DLGAP2: variants seen among roughly 807,000 people sequenced by gnomAD.
DLGAP2 encodes disks large-associated protein 2.
In DLGAP2, 26 loss-of-function variants were observed where a neutral mutation model predicts 100.3. That is an observed-to-expected ratio of 0.26 (90% confidence interval 0.19 to 0.36). The LOEUF is 0.36. Ranked by LOEUF, DLGAP2 falls within the 10% of genes least tolerant of loss-of-function variation. DLGAP2 has a pLI of 1.00. For synonymous variants in DLGAP2, 886 were observed against 630.1 expected (o/e 1.41, Z -6.08); for missense variants, 1,858 against 1,453.2 (o/e 1.28, Z -4.53).
chr8:1,066,672 G>C (rs1276539014), intron 2 of DLGAP2, among the ~76,000 whole-genome samples: 1 of 152,224 alleles, frequency 6.6e-6, no homozygotes, highest in Non-Finnish European at 1.5e-5. Flanking sequence ...GTCTGAGTGA[G>C]GACAGTTCCC....
intron 2 of DLGAP2, among the ~76,000 whole-genome samples, chr8:1,195,510 C>T (rs1035650862): frequency 6.6e-6 from 1 of 152,216 alleles, no homozygotes; most frequent in Admixed American, 6.5e-5. Context: ...TGTTTCCCCA[C>T]TTGGAAAAAT....
chr8:815,554 G>C (rs950906444), intron 1 of DLGAP2, among the ~76,000 whole-genome samples: 5 of 152,212 alleles, frequency 3.3e-5, no homozygotes, highest in African/African-American at 1.2e-4. Context: ...ATATTCTGAT[G>C]TATCTCTGTA....
At chr8:1,030,885 G>A (rs1185870927) in intron 2 of DLGAP2, among the ~76,000 whole-genome samples, 4 of 152,224 alleles carry the variant, frequency 2.6e-5, no homozygotes. Context: ...TCAGACCGCA[G>A]CCACCAGACC....
chr8:1,010,977 T>C (rs1211776962), intron 2 of DLGAP2, among the ~76,000 whole-genome samples: 1 of 140,162 alleles, frequency 7.1e-6, no homozygotes, highest in South Asian at 2.3e-4. Flanking sequence ...TCAGTCTGCA[T>C]GGTGAGCCCC....
chr8:1,093,252 C>T (rs55940420), intron 2 of DLGAP2, among the ~76,000 whole-genome samples: 18,553 of 148,946 alleles, frequency 0.12, 1,257 homozygotes, highest in East Asian at 0.31. Context: ...CCTTCACACC[C>T]GCAGCCAGAA....
At chr8:809,910 G>A (rs1174810695) in intron 1 of DLGAP2, among the ~76,000 whole-genome samples, 3 of 152,216 alleles carry the variant, frequency 2.0e-5, no homozygotes, top group East Asian at 1.9e-4. Flanking sequence ...CAGAAGCATG[G>A]TGTGCTCTGG....
intron 4 of DLGAP2, among the ~76,000 whole-genome samples, chr8:1,534,479 A>T (rs1379740251): frequency 6.6e-6 from 1 of 152,200 alleles, no homozygotes; most frequent in African/African-American, 2.4e-5. Flanking sequence ...TGTGCTCACC[A>T]TAATGCTTAA....
chr8:1,676,201 G>A (rs575257093), intron 10 of DLGAP2, among the ~76,000 whole-genome samples: 2 of 152,314 alleles, frequency 1.3e-5, no homozygotes, highest in East Asian at 3.9e-4. Flanking sequence ...CATAGGGCGT[G>A]ATAAGAGCTT....
Position 1,677,548 on chromosome 8 carries a change from G to A in DLGAP2, c.2289-666G>A, listed in dbSNP as rs148529759. 8.5e-4 allele frequency among the ~76,000 whole-genome samples: 130 copies of A among 152,214 alleles called. 1 individual carries two copies. Among genetic ancestry groups the A allele is most frequent in the Non-Finnish European group, 1.8e-3 (120 of 68,008 alleles). ...ACACACACACACCACACAGGCACAC[G>A]ATACAGAGCATACCCACGTGCACAC... On this transcript the variant is annotated intron_variant, in intron 11 of 14. Coordinates refer to ENST00000637795, the MANE Select transcript of DLGAP2 (RefSeq NM_001346810.2).
intron 2 of DLGAP2, among the ~76,000 whole-genome samples, chr8:1,022,647 C>T (rs1162224353): frequency 6.7e-6 from 1 of 150,238 alleles, no homozygotes; most frequent in Non-Finnish European, 1.5e-5. Flanking sequence ...CACCCACCCT[C>T]CCTGGGAGTG....
chr8:1,618,387 A>G (rs527794250), intron 6 of DLGAP2, among the ~76,000 whole-genome samples: 1 of 152,226 alleles, frequency 6.6e-6, no homozygotes, highest in African/African-American at 2.4e-5. Context: ...GTGCTCTAAG[A>G]TAGACCATCT....
chr8:1,596,512 T>G (rs564264875), intron 6 of DLGAP2, among the ~76,000 whole-genome samples: 1 of 152,270 alleles, frequency 6.6e-6, no homozygotes, highest in African/African-American at 2.4e-5. Flanking sequence ...GTTCCTATTT[T>G]TCCTTATCAT....
intron 2 of DLGAP2, among the ~76,000 whole-genome samples, chr8:965,003 G>A (rs1162340489): frequency 6.6e-6 from 1 of 151,264 alleles, no homozygotes; most frequent in Non-Finnish European, 1.5e-5. Context: ...ACCTCACATG[G>A]CTCCTGAGTC....
intron 2 of DLGAP2, among the ~76,000 whole-genome samples, chr8:981,954 A>G (rs930461035): frequency 5.3e-5 from 8 of 152,180 alleles, no homozygotes; most frequent in Admixed American, 5.2e-4. Context: ...TCTGCTGTTC[A>G]CAGGTAAACT....
Position 1,384,242 on chromosome 8 carries a change from G to A in DLGAP2, c.107-117124G>A, listed in dbSNP as rs1796161530. 2.0e-5 allele frequency among the ~76,000 whole-genome samples: 3 copies of A among 152,236 alleles called. No homozygotes were observed. The South Asian group carries it at 6.2e-4, about 32-fold the overall frequency. On this transcript the variant is annotated intron_variant, in intron 3 of 14. Coordinates refer to ENST00000637795, the MANE Select transcript of DLGAP2 (RefSeq NM_001346810.2). Reference sequence around the variant, plus strand: ...TTTTCAGAATTTAATTTCTTTCCTGGAAAAAGCAAGAATTGTGACTGCACA... The same window carrying A: ...TTTTCAGAATTTAATTTCTTTCCTGAAAAAAGCAAGAATTGTGACTGCACA...
intron 3 of DLGAP2, among the ~76,000 whole-genome samples, chr8:1,422,624 C>CA (rs1295076771): frequency 2.0e-5 from 3 of 151,192 alleles, no homozygotes; most frequent in Non-Finnish European, 2.9e-5. Context: ...GAAGCCGACT[C>CA]ACGGTTATCA....
rs368030617 is a variant in DLGAP2, at chr8:1,384,271, G to A, written c.107-117095G>A. 2.2e-4 allele frequency among the ~76,000 whole-genome samples: 34 copies of A among 152,342 alleles called. No individual in the cohort carries two copies. The East Asian group carries it at 4.8e-3, about 22-fold the overall frequency. ...AAGCAAGAATTGTGACTGCACAGTC[G>A]CTGCACTCTCCTCTGCCGTGGCCTA... On this transcript the variant is annotated intron_variant, in intron 3 of 14. Transcript: ENST00000637795.
chr8:1,196,881 G>A (rs550907303), intron 2 of DLGAP2, among the ~76,000 whole-genome samples: 20 of 152,276 alleles, frequency 1.3e-4, no homozygotes, highest in African/African-American at 4.8e-4. Context: ...AGACAGGCAA[G>A]AGGGGATTTA....
intron 1 of DLGAP2, among the ~76,000 whole-genome samples, chr8:875,555 A>T (rs1314377931): frequency 2.6e-5 from 4 of 152,094 alleles, no homozygotes; most frequent in African/African-American, 9.7e-5. Flanking sequence ...TTCCCCTTCC[A>T]CCATGATTGT....
Sources: allele counts gnomAD v4.1 joint callset (sites outside exome capture counted in the v4.1 genomes callset), GRCh38; gene constraint gnomAD v4.1.1; transcripts MANE v1.5; gene names NCBI Gene and HGNC (gene_info 2026-07-23, HGNC 2026-07-21).